Variants in CHCHD6 observed in about 807,000 individuals in gnomAD.
CHCHD6 encodes the protein MICOS complex subunit MIC25.
A neutral mutation model predicts 32.3 loss-of-function variants in CHCHD6; 28 were observed. The observed-to-expected ratio is 0.87, with a 90% CI of 0.64 to 1.19. CHCHD6 has a LOEUF of 1.19. Ranked by LOEUF, CHCHD6 falls within the 50% of genes most tolerant of loss-of-function variation. The pLI is 0.00. For synonymous variants in CHCHD6, 122 were observed against 117.5 expected (o/e 1.04, Z -0.25); for missense variants, 333 against 307.0 (o/e 1.08, Z -0.63).
chr3:126,918,221 G>A (rs574082431), intron 6 of CHCHD6, among the ~76,000 whole-genome samples: 3 of 152,318 alleles, frequency 2.0e-5, no homozygotes, highest in Non-Finnish European at 4.4e-5. Context: ...CATCATAAAT[G>A]TCATAGAAAT....
intron 5 of CHCHD6, among the ~76,000 whole-genome samples, chr3:126,889,581 T>C (rs960973924): frequency 6.6e-6 from 1 of 152,168 alleles, no homozygotes; most frequent in Non-Finnish European, 1.5e-5. Context: ...CCCATCACAC[T>C]TGCCTCTGTG....
chr3:126,838,302 G>A (rs1940940610), intron 4 of CHCHD6, among the ~76,000 whole-genome samples: 1 of 152,164 alleles, frequency 6.6e-6, no homozygotes, highest in African/African-American at 2.4e-5. Flanking sequence ...CCCTCTTCTT[G>A]GCATGTTTCT....
intron 4 of CHCHD6, among the ~76,000 whole-genome samples, chr3:126,805,934 A>T (rs1939351609): frequency 6.6e-6 from 1 of 152,246 alleles, no homozygotes; most frequent in Admixed American, 6.5e-5. Flanking sequence ...AAACCTGAGA[A>T]AAACAAGCAA....
rs185449597 is a variant in CHCHD6, at chr3:126,826,355, C to T, written c.412-26292C>T. 8.2e-4 allele frequency among the ~76,000 whole-genome samples: 125 copies of T among 152,272 alleles called. 1 individual carries two copies. The highest frequency in any genetic ancestry group is 3.0e-3 in the African/African-American group (125 of 41,560). On this transcript the variant is annotated intron_variant, in intron 4 of 7. Transcript: ENST00000290913. ...ACCTATGCAGTCTTATAAATACAGT[C>T]ATGTGTGGATTGTGAGTATTTGGAC...
At chr3:126,732,129 C>G (rs1349984147) in intron 3 of CHCHD6, among the ~76,000 whole-genome samples, 3 of 150,482 alleles carry the variant, frequency 2.0e-5, no homozygotes, top group African/African-American at 7.3e-5. Flanking sequence ...TAACCTGAAC[C>G]CTGCTTTTTT....
At position 126,813,719 on chromosome 3, in the gene CHCHD6, T is replaced by C. The variant is rs964498222; in HGVS notation, c.412-38928T>C. Among the ~76,000 whole-genome samples the C allele has an allele frequency of 2.0e-5, 3 of 152,224 alleles. No homozygotes were observed. In the South Asian group the frequency reaches 6.2e-4, roughly 31 times the overall value. On this transcript the variant is annotated intron_variant, in intron 4 of 7. Transcript: ENST00000290913. ...TGCCCATCAGCTGGCCTGGACACAC[T>C]GAATCCAGGGTCCACCCTCACCTGT...
intron 5 of CHCHD6, among the ~76,000 whole-genome samples, chr3:126,888,828 G>A (rs536975940): frequency 7.2e-5 from 11 of 152,350 alleles, no homozygotes; most frequent in African/African-American, 2.2e-4. Flanking sequence ...CCCTGTGAGA[G>A]TGAGGAGCTG....
At chr3:126,851,620 G>A (rs1309534212) in intron 4 of CHCHD6, among the ~76,000 whole-genome samples, 2 of 152,222 alleles carry the variant, frequency 1.3e-5, no homozygotes, top group African/African-American at 4.8e-5. Flanking sequence ...GACCCTTAGT[G>A]TGGAGTTGTT....
intron 6 of CHCHD6, among the ~76,000 whole-genome samples, chr3:126,941,940 G>A (rs537910177): frequency 6.6e-6 from 1 of 152,118 alleles, no homozygotes; most frequent in Non-Finnish European, 1.5e-5. Context: ...TAATGTTGTC[G>A]TTTCCTTTCT....
chr3:126,811,240 C>T (rs527360639), intron 4 of CHCHD6, among the ~76,000 whole-genome samples: 43 of 152,222 alleles, frequency 2.8e-4, no homozygotes, highest in Admixed American at 1.4e-3. Context: ...ATTAATTGAG[C>T]GAAACTAGCC....
At chr3:126,910,631 A>T (rs750410523) in intron 5 of CHCHD6, among the ~76,000 whole-genome samples, 7 of 152,228 alleles carry the variant, frequency 4.6e-5, no homozygotes, top group Non-Finnish European at 1.0e-4. Context: ...AAAGTTCTAG[A>T]TGCCAAGATG....
intron 1 of CHCHD6, among the ~76,000 whole-genome samples, chr3:126,706,732 T>G (rs1268232287): frequency 6.6e-6 from 1 of 151,980 alleles, no homozygotes; most frequent in East Asian, 1.9e-4. Context: ...TGTAGAGGCT[T>G]TTTCTGTTAG....
At chr3:126,856,691 A>G (rs1225372270) in intron 5 of CHCHD6, among the ~76,000 whole-genome samples, 3 of 152,198 alleles carry the variant, frequency 2.0e-5, no homozygotes, top group Non-Finnish European at 2.9e-5. Context: ...ATCGTCTCCT[A>G]GTAGAAACCT....
chr3:126,944,014 T>G (rs1386876487), intron 6 of CHCHD6, among the ~76,000 whole-genome samples: 1 of 152,240 alleles, frequency 6.6e-6, no homozygotes, highest in Non-Finnish European at 1.5e-5. Context: ...GAGAAAAAGA[T>G]GTCCTTGGGT....
intron 1 of CHCHD6, among the ~76,000 whole-genome samples, chr3:126,711,782 G>A (rs553191773): frequency 6.6e-6 from 1 of 152,194 alleles, no homozygotes; most frequent in Non-Finnish European, 1.5e-5. Context: ...GATGGAGCCC[G>A]CATCAGGAAT....
At chr3:126,858,079 T>C (rs62263283) in intron 5 of CHCHD6, among the ~76,000 whole-genome samples, 28,287 of 151,962 alleles carry the variant, frequency 0.19, 3,255 homozygotes, top group Non-Finnish European at 0.26. Context: ...TGATAGAGCA[T>C]TGCTGGCATG....
chr3:126,945,416 A>G (rs2078621144), intron 6 of CHCHD6, among the ~76,000 whole-genome samples: 1 of 151,574 alleles, frequency 6.6e-6, no homozygotes, highest in African/African-American at 2.4e-5. Flanking sequence ...AGCAGACTCG[A>G]GCAGGGAGAC....
intron 1 of CHCHD6, among the ~76,000 whole-genome samples, chr3:126,717,511 A>G (rs1208262131): frequency 2.6e-5 from 4 of 152,152 alleles, no homozygotes; most frequent in African/African-American, 7.2e-5. Context: ...GCATGCACCT[A>G]TAGTCCTGGC....
Position 126,704,266 on chromosome 3 carries a change from G to C in CHCHD6, c.-47G>C. On this transcript the variant is annotated 5_prime_UTR_variant, in exon 1 of 8. Transcript: ENST00000290913. Reference sequence around the variant, plus strand: ...AAGCGTTGTTGGCCCGGTTGCTCTGGAGCCGGGTCTCGGGTCTGGTGGCTG... The same window carrying C: ...AAGCGTTGTTGGCCCGGTTGCTCTGCAGCCGGGTCTCGGGTCTGGTGGCTG... 6 of 1,503,366 alleles carry C rather than the reference G, an allele frequency of 4.0e-6. No homozygotes were observed. In the East Asian group the frequency reaches 1.1e-4, roughly 28 times the overall value. The allele number at this position is 1,503,366 out of a possible 1,614,324, so 93.1% of individuals were successfully genotyped here. A position where few individuals can be genotyped will look rare whatever the true frequency, so the allele number is the denominator to read the frequency against.
Sources: allele counts gnomAD v4.1 joint callset (sites outside exome capture counted in the v4.1 genomes callset), GRCh38; gene constraint gnomAD v4.1.1; transcripts MANE v1.5; gene names NCBI Gene and HGNC (gene_info 2026-07-23, HGNC 2026-07-21).